Variants in STYK1 observed in about 807,000 individuals in gnomAD.
STYK1 encodes tyrosine-protein kinase STYK1.
A neutral mutation model predicts 48.1 loss-of-function variants in STYK1; 46 were observed. The observed-to-expected ratio is 0.96, with a 90% CI of 0.75 to 1.22. The LOEUF is 1.22. Ranked by LOEUF, STYK1 falls within the 50% of genes most tolerant of loss-of-function variation. STYK1 has a pLI of 0.00. For synonymous variants in STYK1, 188 were observed against 189.0 expected, an observed-to-expected ratio of 0.99 and a Z score of 0.04; for missense variants, 527 against 521.1, an observed-to-expected ratio of 1.01 and a Z score of -0.11.
At chr12:10,643,929 G>A (rs1390039026) in intron 1 of STYK1, among the ~76,000 whole-genome samples, 1 of 151,780 alleles carries the variant, frequency 6.6e-6, no homozygotes, top group Non-Finnish European at 1.5e-5. Flanking sequence ...AAGTATCACT[G>A]AAGTGCTTTA....
At chr12:10,655,267 G>C (rs1307254125) in intron 1 of STYK1, among the ~76,000 whole-genome samples, 3 of 152,132 alleles carry the variant, frequency 2.0e-5, no homozygotes, top group Non-Finnish European at 4.4e-5. Flanking sequence ...ATATCCTTGG[G>C]AGCTTGACCT....
chr12:10,644,327 T>C (rs527384394), intron 1 of STYK1, among the ~76,000 whole-genome samples: 4 of 152,298 alleles, frequency 2.6e-5, no homozygotes, highest in Non-Finnish European at 4.4e-5. Context: ...AAAAAGATAA[T>C]GTGTGAATGC....
Position 10,624,840 on chromosome 12 carries a change from T to C in STYK1, c.737A>G (p.His246Arg). ...GGCTGCCACATCCCCATGGAACAAA[T>C]GCTTCTCCTGCAGGAATTCCTGTCA... ...LLALEFLQEK[H>R]LFHGDVAARN... Residue 246 changes from histidine (H) to arginine (R), a missense_variant, in exon 8 of 11, where the codon CAT becomes CGT. By Grantham distance (29) the His-to-Arg change is conservative. Coordinates refer to ENST00000075503, the MANE Select transcript of STYK1 (RefSeq NM_018423.3). The C allele has an allele frequency of 3.1e-6, 5 of 1,614,144 alleles. No individual in the cohort carries two copies. Among genetic ancestry groups the C allele is most frequent in the Non-Finnish European group, 4.2e-6 (5 of 1,180,012 alleles).
At chr12:10,670,849 T>C (rs945892542) in intron 1 of STYK1, among the ~76,000 whole-genome samples, 4 of 149,418 alleles carry the variant, frequency 2.7e-5, no homozygotes, top group African/African-American at 9.8e-5. Context: ...TATATAATTT[T>C]TAATTTTTTT....
intron 7 of STYK1, among the ~76,000 whole-genome samples, chr12:10,627,416 C>T (rs914545237): frequency 2.0e-5 from 3 of 152,176 alleles, no homozygotes; most frequent in Non-Finnish European, 4.4e-5. Context: ...AAGTTGACTA[C>T]TTTCTCCCTG....
chr12:10,632,364 AG>A (rs1448603328), intron 4 of STYK1, among the ~76,000 whole-genome samples: 5 of 152,202 alleles, frequency 3.3e-5, no homozygotes, highest in Non-Finnish European at 7.3e-5. Flanking sequence ...AGAGTATTGT[AG>A]GCAAAGAAAG....
At chr12:10,665,549 A>G (rs1032647694) in intron 1 of STYK1, among the ~76,000 whole-genome samples, 1 of 151,978 alleles carries the variant, frequency 6.6e-6, no homozygotes, top group South Asian at 2.1e-4. Flanking sequence ...TATTCCATCT[A>G]TTTTTTTCAG....
intron 1 of STYK1, among the ~76,000 whole-genome samples, chr12:10,653,522 A>G (rs1947685809): frequency 6.6e-6 from 1 of 152,246 alleles, no homozygotes; most frequent in Non-Finnish European, 1.5e-5. Flanking sequence ...ATGAGAATTC[A>G]GAAGTGTAAA....
intron 1 of STYK1, among the ~76,000 whole-genome samples, chr12:10,649,157 T>C (rs906371173): frequency 1.3e-5 from 2 of 152,102 alleles, no homozygotes; most frequent in African/African-American, 4.8e-5. Flanking sequence ...CAAAATATAA[T>C]TCATGGACTT....
chr12:10,643,363 C>T (rs899665918), intron 1 of STYK1, among the ~76,000 whole-genome samples: 1 of 152,158 alleles, frequency 6.6e-6, no homozygotes, highest in Non-Finnish European at 1.5e-5. Context: ...CTATTTCATT[C>T]ACACCCCTGA....
At chr12:10,632,839 A>G (rs775097663) in intron 4 of STYK1, among the ~76,000 whole-genome samples, 19 of 152,188 alleles carry the variant, frequency 1.2e-4, no homozygotes, top group Non-Finnish European at 1.9e-4. Context: ...CTGTGTTTCA[A>G]GGTTTGAGAC....
At chr12:10,643,185 C>T (rs926224021) in intron 1 of STYK1, among the ~76,000 whole-genome samples, 5 of 152,132 alleles carry the variant, frequency 3.3e-5, no homozygotes, top group Admixed American at 6.5e-5. Flanking sequence ...TCGATGGGGC[C>T]GTGTTGTCCT....
At chr12:10,641,022 C>T (rs1947537587) in intron 1 of STYK1, among the ~76,000 whole-genome samples, 1 of 152,174 alleles carries the variant, frequency 6.6e-6, no homozygotes, top group African/African-American at 2.4e-5. Flanking sequence ...AATCCTTCAT[C>T]TACCAGTTTC....
chr12:10,635,826 C>A (rs1416764538), intron 2 of STYK1, among the ~76,000 whole-genome samples: 1 of 152,104 alleles, frequency 6.6e-6, no homozygotes, highest in Non-Finnish European at 1.5e-5. Context: ...TTCTTTCTTT[C>A]CAAAGAGAAC....
intron 1 of STYK1, among the ~76,000 whole-genome samples, chr12:10,661,353 T>C (rs1442857295): frequency 2.6e-5 from 4 of 152,222 alleles, no homozygotes; most frequent in Non-Finnish European, 4.4e-5. Flanking sequence ...AAAATTTAGA[T>C]GTTATATTCT....
At chr12:10,670,749 AAT>A (rs1342078033) in intron 1 of STYK1, among the ~76,000 whole-genome samples, 3 of 151,574 alleles carry the variant, frequency 2.0e-5, no homozygotes, top group African/African-American at 7.3e-5. Flanking sequence ...TCATCACAAA[AAT>A]ATGTGAAATA....
chr12:10,659,870 T>A (rs1017386674), intron 1 of STYK1, among the ~76,000 whole-genome samples: 2 of 152,124 alleles, frequency 1.3e-5, no homozygotes, highest in African/African-American at 4.8e-5. Flanking sequence ...GATAGAAAAA[T>A]TGTGTTTCAA....
intron 1 of STYK1, among the ~76,000 whole-genome samples, chr12:10,647,043 C>T (rs775842178): frequency 6.6e-6 from 1 of 152,244 alleles, no homozygotes; most frequent in African/African-American, 2.4e-5. Flanking sequence ...TCATGGAGAA[C>T]CTTTGCTAGG....
At chr12:10,637,360 C>CG (rs1947497690) in intron 1 of STYK1, among the ~76,000 whole-genome samples, 164 bp from the exon 2 acceptor site, 1 of 133,242 alleles carries the variant, frequency 7.5e-6, no homozygotes, top group Admixed American at 7.9e-5. Flanking sequence ...TTTTTTGAGA[C>CG]GGGGTCTCAC....
Sources: gnomAD v4.1 joint callset for allele counts (sites outside exome capture counted in the v4.1 genomes callset) on GRCh38, gnomAD v4.1.1 for gene constraint, MANE v1.5 for transcripts, NCBI Gene and HGNC (gene_info 2026-07-23, HGNC 2026-07-21) for gene names.